Variants in PLOD1 observed in about 807,000 individuals in gnomAD.
PLOD1 encodes the protein lysine hydroxylase.
In PLOD1, 70 loss-of-function variants were observed where a neutral mutation model predicts 94.7. That is an observed-to-expected ratio of 0.74 (90% CI 0.61 to 0.90). The LOEUF (loss-of-function observed/expected upper bound fraction) is 0.90. Among genes scored for constraint, PLOD1 ranks in the 40% least tolerant of loss-of-function variants. The pLI, the probability that PLOD1 is intolerant of heterozygous loss-of-function variation, is 0.00. For missense variants in PLOD1, 905 were observed against 972.7 expected (o/e 0.93, Z 0.93); for synonymous variants, 417 against 400.2 (o/e 1.04, Z -0.50).
chr1:11,975,422 G>T lies in PLOD1; in HGVS notation c.*614G>T, dbSNP rs15431. The T allele has an allele frequency of 3.9e-3, 655 of 169,694 alleles. 3 individuals are homozygous for T. The highest frequency in any genetic ancestry group is 0.015 in the African/African-American group (630 of 41,712). 10.5% of individuals were successfully genotyped at this position (169,694 alleles called of 1,614,324 possible). A position where few individuals can be genotyped will look rare whatever the true frequency, so the allele number is the denominator to read the frequency against. On this transcript the variant is annotated 3_prime_UTR_variant, in exon 19 of 19. Transcript: ENST00000196061. ...ACAGCTCGATCTTCTACTTGCCTGTGGGGAGGGGAGTGACAGGTCCACACA... is the reference window on the plus strand; with the variant it reads ...ACAGCTCGATCTTCTACTTGCCTGTTGGGAGGGGAGTGACAGGTCCACACA...
At chr1:11,962,274 C>CTTTTTTTTTTTTTTTTTTTTTTTT (rs780613164) in intron 10 of PLOD1, among the ~76,000 whole-genome samples, 9 of 99,082 alleles carry the variant, frequency 9.1e-5, no homozygotes, top group African/African-American at 1.7e-4. Context: ...TTTTTGTTTT[C>CTTTTTTTTTTTTTTTTTTTTTTTT]TTTTTTTTTT....
chr1:11,944,757 C>A, intron 1 of PLOD1: 1 of 957,288 alleles, frequency 1.0e-6, no homozygotes, highest in Non-Finnish European at 1.4e-6. Flanking sequence ...GCTGGGCCGC[C>A]TGGCGCCAGC....
intron 12 of PLOD1, among the ~76,000 whole-genome samples, 155 bp from the exon 13 acceptor site, chr1:11,964,489 G>T (rs2100758072): frequency 6.6e-6 from 1 of 152,160 alleles, no homozygotes; most frequent in Admixed American, 6.5e-5. Flanking sequence ...TCCAGGGCGG[G>T]GGAATCAAAT....
chr1:11,966,939 C>G (rs1261485180), intron 15 of PLOD1, 48 bp from the exon 16 acceptor site: 1 of 1,144,320 alleles, frequency 8.7e-7, no homozygotes. Flanking sequence ...AAGGAGGATT[C>G]TGTGGTGCCA....
chr1:11,954,922 T>A (rs1256875483), intron 6 of PLOD1, 29 bp downstream of exon 6: 1 of 1,545,482 alleles, frequency 6.5e-7, no homozygotes, highest in Admixed American at 1.7e-5. Flanking sequence ...GAGGGGTGGA[T>A]CCTCAGAGGG....
intron 13 of PLOD1, among the ~76,000 whole-genome samples, 191 bp downstream of exon 13, chr1:11,964,976 C>T (rs1645805641): frequency 6.6e-6 from 1 of 152,154 alleles, no homozygotes; most frequent in Non-Finnish European, 1.5e-5. Context: ...GAGGGCTGGT[C>T]CTCAGGGGTC....
chr1:11,950,949 A>C (rs550782941), intron 4 of PLOD1, among the ~76,000 whole-genome samples: 1 of 152,176 alleles, frequency 6.6e-6, no homozygotes, highest in East Asian at 1.9e-4. Flanking sequence ...ATGCACCACT[A>C]TGCCCGGCTA....
Position 11,957,109 on chromosome 1 carries a change from C to A in PLOD1, c.741+95C>A. The A allele has an allele frequency of 1.2e-6, 1 of 860,150 alleles. No homozygotes were observed. The highest frequency in any genetic ancestry group is 2.0e-6 in the Non-Finnish European group (1 of 492,754). 53.3% of individuals were successfully genotyped at this position (860,150 alleles called of 1,614,324 possible). A position where few individuals can be genotyped will look rare whatever the true frequency, so the allele number is the denominator to read the frequency against. On this transcript the variant is annotated intron_variant, in intron 7 of 18. Coordinates refer to ENST00000196061, the MANE Select transcript of PLOD1 (RefSeq NM_000302.4). The surrounding 1 kb of genome is among the most constrained non-coding windows in gnomAD (Gnocchi z 4.1). ...CCACAGTGTCTCCCTGGGGCCAGGG[C>A]CACCTTCCTGGGGCCTGCTATGAAC...
intron 3 of PLOD1, 80 bp from the exon 4 acceptor site, chr1:11,950,277 C>A: frequency 7.2e-7 from 1 of 1,389,512 alleles, no homozygotes; most frequent in Non-Finnish European, 1.0e-6. Context: ...GCACTTGATC[C>A]CTGGTCCCTC....
At chr1:11,941,249 T>C (rs1367220593) in intron 1 of PLOD1, among the ~76,000 whole-genome samples, 1 of 152,134 alleles carries the variant, frequency 6.6e-6, no homozygotes, top group African/African-American at 2.4e-5. Flanking sequence ...TTGTTTTTTG[T>C]TTTTTGTTTT....
At chr1:11,961,547 C>G (rs755696373) in intron 10 of PLOD1, among the ~76,000 whole-genome samples, 2 of 152,180 alleles carry the variant, frequency 1.3e-5, no homozygotes, top group Non-Finnish European at 2.9e-5. Flanking sequence ...GCCCTAGTAG[C>G]ACAGAGGCTG....
intron 1 of PLOD1, among the ~76,000 whole-genome samples, chr1:11,938,823 G>C (rs1159926874): frequency 6.6e-6 from 1 of 152,122 alleles, no homozygotes; most frequent in Non-Finnish European, 1.5e-5. Flanking sequence ...CCAATGAGAG[G>C]GGGGTACAGA....
In PLOD1 at chr1:11,967,082, C is replaced by CA; in HGVS notation, c.1748dup (p.Asn583LysfsTer18). ...AGCACTTTGGCCAGTGGTCTCTGGGCAACAACAAGGTGGGACCCTGATGCC... is the reference window on the plus strand; with the variant it reads ...AGCACTTTGGCCAGTGGTCTCTGGGCAAACAACAAGGTGGGACCCTGATGCC... On this transcript the variant is annotated frameshift_variant, in exon 16 of 19. Coordinates refer to ENST00000196061, the MANE Select transcript of PLOD1 (RefSeq NM_000302.4). LOFTEE classifies it high-confidence loss of function. The CA allele has an allele frequency of 6.2e-7, 1 of 1,607,598 alleles. No homozygotes were observed. Among genetic ancestry groups the CA allele is most frequent in the Non-Finnish European group, 8.5e-7 (1 of 1,174,030 alleles).
In PLOD1 at chr1:11,947,970, C is replaced by G; in HGVS notation, c.77-6C>G. ...TCCCATTCACCATACCCTCCTCTGT[C>G]TGCAGACAACCTTTTAGTCCTCACG... On this transcript the variant is annotated splice_region_variant and splice_polypyrimidine_tract_variant and intron_variant, in intron 1 of 18. Coordinates refer to ENST00000196061, the MANE Select transcript of PLOD1 (RefSeq NM_000302.4). The G allele has an allele frequency of 1.3e-6, 2 of 1,597,912 alleles. No homozygotes were observed. Among genetic ancestry groups the G allele is most frequent in the Non-Finnish European group, 1.7e-6 (2 of 1,165,246 alleles).
At chr1:11,964,110 T>A in intron 11 of PLOD1, 65 bp from the exon 12 acceptor site, 1 of 1,538,888 alleles carries the variant, frequency 6.5e-7, no homozygotes, top group Non-Finnish European at 9.0e-7. Context: ...CCCCCATCCC[T>A]GGTTAGTGCT....
chr1:11,962,269 G>T (rs200319335), intron 10 of PLOD1, among the ~76,000 whole-genome samples: 26,349 of 104,064 alleles, frequency 0.25, 4,843 homozygotes, highest in African/African-American at 0.55. Context: ...TTTGATTTTT[G>T]TTTTCTTTTT....
At position 11,949,856 on chromosome 1, in the gene PLOD1, T is replaced by C. The variant is rs765098815; in HGVS notation, c.252T>C (p.Ala84=). Reference sequence around the variant, plus strand: ...AGAAGGTCCGGCTGCTGAAGAAAGCTCTGGAGAAGCACGCAGACAAGGAGG... The same window carrying C: ...AGAAGGTCCGGCTGCTGAAGAAAGCCCTGGAGAAGCACGCAGACAAGGAGG... ...GGQKVRLLKK[A]LEKHADKEDL... The change falls in exon 3 of 19, where the codon GCT becomes GCC. Residue 84 remains alanine (A), a synonymous_variant. Transcript: ENST00000196061. 6.2e-6 allele frequency: 10 copies of C among 1,614,108 alleles called. No homozygotes were observed. Among genetic ancestry groups the C allele is most frequent in the Non-Finnish European group, 8.5e-6 (10 of 1,179,996 alleles).
Position 11,965,508 on chromosome 1 carries a change from A to T in PLOD1, c.1499A>T (p.His500Leu), listed in dbSNP as rs1385315861. ...GTGTTCATGTTCCTGACCAACCGGC[A>T]CACCCTTGGCCATCTGCTCTCCCTA... The part of the protein sequence containing the change: ...QDVFMFLTNR[H>L]TLGHLLSLDS... The change falls in exon 14 of 19, where the codon CAC (histidine) becomes CTC (leucine). Residue 500 changes from histidine to leucine, a missense_variant. Transcript: ENST00000196061. 6.2e-7 allele frequency: 1 copy of T among 1,613,498 alleles called. No individual in the cohort carries two copies. Among genetic ancestry groups the T allele is most frequent in the Non-Finnish European group, 8.5e-7 (1 of 1,179,744 alleles).
intron 2 of PLOD1, 113 bp from the exon 3 acceptor site, chr1:11,949,660 T>A: frequency 9.6e-7 from 1 of 1,038,956 alleles, no homozygotes; most frequent in Non-Finnish European, 1.5e-6. Context: ...CCTCAGGTGG[T>A]CCACACGTCT....
Sources: allele counts gnomAD v4.1 joint callset (sites outside exome capture counted in the v4.1 genomes callset), GRCh38; gene constraint gnomAD v4.1.1; non-coding constraint Gnocchi (gnomAD v3.1); transcripts MANE v1.5; gene names NCBI Gene and HGNC (gene_info 2026-07-23, HGNC 2026-07-21).